KHDRBS2: variants seen among roughly 807,000 people sequenced by gnomAD.
The protein encoded by KHDRBS2 is KH domain-containing, RNA-binding, signal transduction-associated protein 2.
Under a neutral mutation model 44.3 loss-of-function variants are expected in KHDRBS2, and 26 were observed. The observed-to-expected ratio is 0.59, with a 90% CI of 0.43 to 0.81. The LOEUF (loss-of-function observed/expected upper bound fraction) is 0.81, where lower values mean the gene tolerates loss of function less well. Ranked by LOEUF, KHDRBS2 falls within the 40% of genes least tolerant of loss-of-function variation. The pLI is 0.00. For synonymous variants in KHDRBS2, 194 were observed against 151.1 expected (o/e 1.28, Z -2.08); for missense variants, 476 against 433.1 (o/e 1.10, Z -0.88).
chr6:61,824,402 G>T (rs1790512148), intron 6 of KHDRBS2, among the ~76,000 whole-genome samples: 1 of 152,074 alleles, frequency 6.6e-6, no homozygotes, highest in Admixed American at 6.6e-5. Flanking sequence ...GCCATGTGAA[G>T]ATGTGCTTGC....
intron 6 of KHDRBS2, among the ~76,000 whole-genome samples, chr6:61,822,841 G>A (rs1393706171): frequency 6.6e-6 from 1 of 151,952 alleles, no homozygotes; most frequent in Non-Finnish European, 1.5e-5. Flanking sequence ...CCTCAGAAGA[G>A]ATCAGTGTCT....
rs150135631 is a variant in KHDRBS2 at position 61,747,784 on chromosome 6, G to C, written c.811-15020C>G. 1.1e-4 allele frequency among the ~76,000 whole-genome samples: 16 copies of C among 152,206 alleles called. No individual in the cohort carries two copies. In the East Asian group the frequency reaches 3.1e-3, roughly 29 times the overall value. Reference sequence around the variant, plus strand: ...CATCTTTAACCTCTGGTACATAAGAGTAAAAAGCATGAGTTACCTTCTAAA... The same window carrying C: ...CATCTTTAACCTCTGGTACATAAGACTAAAAAGCATGAGTTACCTTCTAAA... On this transcript the variant is annotated intron_variant, in intron 6 of 8. Coordinates refer to ENST00000281156, the MANE Select transcript of KHDRBS2 (RefSeq NM_152688.4).
At chr6:62,065,254 A>G (rs1285218374) in intron 2 of KHDRBS2, among the ~76,000 whole-genome samples, 1 of 152,088 alleles carries the variant, frequency 6.6e-6, no homozygotes, top group Non-Finnish European at 1.5e-5. Context: ...AACTACAAAT[A>G]CCATTTGACC....
At chr6:62,137,612 A>G (rs1394862715) in intron 2 of KHDRBS2, among the ~76,000 whole-genome samples, 3 of 152,146 alleles carry the variant, frequency 2.0e-5, no homozygotes, top group Admixed American at 1.3e-4. Flanking sequence ...TGGAGAAGGC[A>G]TGTTCTGTAT....
chr6:61,575,485 C>A, the KHDRBS2 span, among the ~76,000 whole-genome samples: 1 of 152,088 alleles, frequency 6.6e-6, no homozygotes. Flanking sequence ...TGGTAAAAAG[C>A]AAACACTTTT....
At chr6:61,989,149 T>C (rs764454371) in intron 3 of KHDRBS2, among the ~76,000 whole-genome samples, 1 of 152,214 alleles carries the variant, frequency 6.6e-6, no homozygotes, top group Non-Finnish European at 1.5e-5. Flanking sequence ...TTATAAGTGC[T>C]TTCTCCTCCT....
intron 8 of KHDRBS2, among the ~76,000 whole-genome samples, chr6:61,693,775 C>T (rs1767614811): frequency 6.6e-6 from 1 of 152,094 alleles, no homozygotes; most frequent in Admixed American, 6.6e-5. Flanking sequence ...CATTACTTCT[C>T]TCTAGACTTT....
intron 6 of KHDRBS2, among the ~76,000 whole-genome samples, chr6:61,742,488 T>A (rs1776280040): frequency 6.6e-6 from 1 of 152,032 alleles, no homozygotes; most frequent in Non-Finnish European, 1.5e-5. Context: ...TTCCATGTAT[T>A]TTTTCTTTAA....
chr6:61,567,743 T>G, the KHDRBS2 span, among the ~76,000 whole-genome samples: 1 of 152,004 alleles, frequency 6.6e-6, no homozygotes, highest in Non-Finnish European at 1.5e-5. Flanking sequence ...TGCTCTTCCC[T>G]GACACAATAC....
At chr6:61,588,241 T>A in the KHDRBS2 span, among the ~76,000 whole-genome samples, 3 of 152,178 alleles carry the variant, frequency 2.0e-5, no homozygotes, top group African/African-American at 7.2e-5. Flanking sequence ...CAAATATGAG[T>A]GATTAATTGT....
At chr6:61,720,191 G>T (rs1401555482) in intron 7 of KHDRBS2, among the ~76,000 whole-genome samples, 5 of 152,076 alleles carry the variant, frequency 3.3e-5, no homozygotes, top group Admixed American at 1.3e-4. Context: ...TGGACATTTG[G>T]GTTGGTTCCA....
chr6:62,023,834 G>A lies in KHDRBS2; in HGVS notation c.336+24044C>T, dbSNP rs185646335. On this transcript the variant is annotated intron_variant, in intron 3 of 8. Transcript: ENST00000281156. ...TATTCCTAAAATTACTTAGATATGC[G>A]CAAATAATTTACTATGTAAAGTATA... 5.8e-3 allele frequency among the ~76,000 whole-genome samples: 872 copies of A among 150,694 alleles called. 21 individuals are homozygous for A. The highest frequency in any genetic ancestry group is 1.4e-3 in the Non-Finnish European group (92 of 67,306).
intron 7 of KHDRBS2, among the ~76,000 whole-genome samples, chr6:61,711,886 A>G (rs1770565337): frequency 6.6e-6 from 1 of 151,894 alleles, no homozygotes; most frequent in Non-Finnish European, 1.5e-5. Flanking sequence ...TGCATAACAA[A>G]CAACTACAAA....
intron 4 of KHDRBS2, among the ~76,000 whole-genome samples, chr6:61,929,307 T>C (rs1246924025): frequency 2.0e-5 from 3 of 152,212 alleles, no homozygotes; most frequent in Non-Finnish European, 4.4e-5. Context: ...ACTATAGTAG[T>C]AAAGTCTTCA....
At chr6:61,682,987 T>C (rs1270174006) in intron 8 of KHDRBS2, among the ~76,000 whole-genome samples, 4 of 151,970 alleles carry the variant, frequency 2.6e-5, no homozygotes, top group Admixed American at 2.0e-4. Context: ...GATGGTAAAA[T>C]GTATCCCAAT....
chr6:61,679,022 CA>C (rs1367940216), downstream of KHDRBS2: 1 of 151,836 alleles, frequency 6.6e-6, no homozygotes, highest in African/African-American at 2.4e-5. Flanking sequence ...CAAATATTTA[CA>C]ATTTTAATTG....
In KHDRBS2 at chr6:62,070,441, A is replaced by G. The variant is rs186540732; in HGVS notation, c.220-22447T>C. 3.8e-3 allele frequency among the ~76,000 whole-genome samples: 580 copies of G among 151,888 alleles called. 2 individuals carry two copies. Among genetic ancestry groups the G allele is most frequent in the African/African-American group, 0.014 (561 of 41,424 alleles). On this transcript the variant is annotated intron_variant, in intron 2 of 8. Coordinates refer to ENST00000281156, the MANE Select transcript of KHDRBS2 (RefSeq NM_152688.4). Reference sequence around the variant, plus strand: ...GCCATGTTGGTGTGCTGCACCCATTAACTCGTCATTTAACATTAGGTATAT... The same window carrying G: ...GCCATGTTGGTGTGCTGCACCCATTGACTCGTCATTTAACATTAGGTATAT...
intron 2 of KHDRBS2, among the ~76,000 whole-genome samples, chr6:62,118,539 T>C (rs906061178): frequency 6.6e-6 from 1 of 152,172 alleles, no homozygotes; most frequent in Non-Finnish European, 1.5e-5. Flanking sequence ...ACCAGTGTGA[T>C]GGTTAATGGA....
intron 6 of KHDRBS2, among the ~76,000 whole-genome samples, chr6:61,771,222 C>A (rs1288771432): frequency 1.3e-5 from 2 of 152,204 alleles, no homozygotes; most frequent in African/African-American, 2.4e-5. Flanking sequence ...GTACCAGCCA[C>A]TGCAAAAACA....
Sources: allele counts gnomAD v4.1 joint callset (sites outside exome capture counted in the v4.1 genomes callset), GRCh38; gene constraint gnomAD v4.1.1; transcripts MANE v1.5; gene names NCBI Gene and HGNC (gene_info 2026-07-23, HGNC 2026-07-21).